PKIB: variants seen among roughly 807,000 people sequenced by gnomAD.
PKIB encodes the protein cAMP-dependent protein kinase inhibitor beta.
Under a neutral mutation model 4.5 loss-of-function variants are expected in PKIB, and 2 were observed. The observed-to-expected ratio is 0.44, with a 90% confidence interval of 0.18 to 1.39. PKIB has a LOEUF of 1.39. PKIB is among the 40% of genes most tolerant of loss of function. The probability of loss-of-function intolerance (pLI) is 0.27; values close to 1 mark genes in which losing one functional copy is unlikely to be tolerated. For synonymous variants in PKIB, 38 were observed against 36.0 expected, an observed-to-expected ratio of 1.06 and a Z score of -0.20; for missense variants, 94 against 92.6, an observed-to-expected ratio of 1.02 and a Z score of -0.06.
chr6:122,717,704 A>C, intron 3 of PKIB, 83 bp from the exon 4 acceptor site: 1 of 1,355,168 alleles, frequency 7.4e-7, no homozygotes, highest in South Asian at 1.3e-5. Flanking sequence ...TGTGTTTTTG[A>C]TCTAGCCATG....
intron 2 of PKIB, among the ~76,000 whole-genome samples, chr6:122,647,603 C>T (rs1776378000): frequency 6.6e-6 from 1 of 152,206 alleles, no homozygotes; most frequent in South Asian, 2.1e-4. Flanking sequence ...TCACTGTTCT[C>T]CTTGACATTC....
intron 2 of PKIB, among the ~76,000 whole-genome samples, chr6:122,670,486 G>A (rs1777416967): frequency 7.5e-6 from 1 of 133,712 alleles, no homozygotes; most frequent in African/African-American, 3.0e-5. Context: ...TTCTTATAAG[G>A]AATCACATGT....
intron 3 of PKIB, among the ~76,000 whole-genome samples, chr6:122,690,590 T>C (rs1001748127): frequency 6.6e-6 from 1 of 152,158 alleles, no homozygotes; most frequent in African/African-American, 2.4e-5. Flanking sequence ...GATGTTTCTA[T>C]TTATATCTTA....
intron 1 of PKIB, among the ~76,000 whole-genome samples, chr6:122,626,199 T>C (rs1775438350): frequency 6.6e-6 from 1 of 152,252 alleles, no homozygotes; most frequent in African/African-American, 2.4e-5. Context: ...CAATATACTT[T>C]AGTGGTTCAT....
Position 122,697,136 on chromosome 6 carries a change from G to A in PKIB, c.-8-20651G>A, listed in dbSNP as rs117565958. On this transcript the variant is annotated intron_variant, in intron 3 of 4. Transcript: ENST00000368452. ...CTTTGGAGAATTAAGAGGGTAGGGT[G>A]CTCCCAGTTCTTGTGGAATGATGTG... is the stretch of plus-strand genomic sequence containing the variant. Among the ~76,000 whole-genome samples, 180 of 152,186 alleles carry A rather than the reference G, an allele frequency of 1.2e-3. 4 individuals carry two copies. In the East Asian group the frequency reaches 0.019, roughly 16 times the overall value.
intron 2 of PKIB, among the ~76,000 whole-genome samples, chr6:122,665,294 C>G (rs767136211): frequency 2.0e-5 from 3 of 152,120 alleles, no homozygotes; most frequent in Non-Finnish European, 4.4e-5. Flanking sequence ...AGAGATTGTT[C>G]TTGCAGATAA....
chr6:122,514,685 GT>G (rs1485677745), intron 2 of PKIB, among the ~76,000 whole-genome samples: 1 of 152,122 alleles, frequency 6.6e-6, no homozygotes, highest in Non-Finnish European at 1.5e-5. Context: ...AGAGTAGTGG[GT>G]TTTTTTGTTT....
At chr6:122,545,511 G>C (rs1324555340) in intron 2 of PKIB, among the ~76,000 whole-genome samples, 1 of 151,490 alleles carries the variant, frequency 6.6e-6, no homozygotes, top group Non-Finnish European at 1.5e-5. Context: ...CGTGATGCAG[G>C]GGCTTGGTGT....
intron 2 of PKIB, among the ~76,000 whole-genome samples, chr6:122,534,288 C>T (rs1777342892): frequency 6.6e-6 from 1 of 151,920 alleles, no homozygotes; most frequent in Non-Finnish European, 1.5e-5. Context: ...GCATGATAAT[C>T]TCTCTGGTTG....
intron 3 of PKIB, among the ~76,000 whole-genome samples, chr6:122,677,229 C>T (rs1777706554): frequency 6.6e-6 from 1 of 152,088 alleles, no homozygotes; most frequent in South Asian, 2.1e-4. Flanking sequence ...CGAAGGGGAG[C>T]TTTGTAAAAA....
At position 122,575,509 on chromosome 6, in the gene PKIB, A is replaced by G. The variant is rs527410346; in HGVS notation, c.-247-10412A>G. On this transcript the variant is annotated intron_variant, in intron 2 of 6. Transcript: ENST00000392491. ...CAATTTGCAATTGCAGAGATATTAAACCAACCTAAGCGCCCATTGACCAAC... is the reference window on the plus strand; with the variant it reads ...CAATTTGCAATTGCAGAGATATTAAGCCAACCTAAGCGCCCATTGACCAAC... Among the ~76,000 whole-genome samples the G allele has an allele frequency of 3.3e-5, 5 of 152,282 alleles. No individual in the cohort carries two copies. The East Asian group carries it at 9.7e-4, about 29-fold the overall frequency.
At chr6:122,717,408 A>C (rs894232368) in intron 3 of PKIB, among the ~76,000 whole-genome samples, 4 of 152,116 alleles carry the variant, frequency 2.6e-5, no homozygotes, top group Non-Finnish European at 5.9e-5. Context: ...CCACAAGCAA[A>C]TACTGGCAGA....
intron 2 of PKIB, among the ~76,000 whole-genome samples, chr6:122,499,866 T>A (rs1776174720): frequency 6.6e-6 from 1 of 152,182 alleles, no homozygotes; most frequent in South Asian, 2.1e-4. Flanking sequence ...CAGTAAAGTT[T>A]CAGGATACAA....
At chr6:122,688,497 G>GT (rs35487441) in intron 3 of PKIB, among the ~76,000 whole-genome samples, 35,642 of 151,576 alleles carry the variant, frequency 0.24, 5,155 homozygotes, top group East Asian at 0.54. Context: ...CTTTTCTTCT[G>GT]TTTTTTTTGG....
At chr6:122,621,972 G>T (rs1409046714) in intron 1 of PKIB, among the ~76,000 whole-genome samples, 3 of 151,720 alleles carry the variant, frequency 2.0e-5, no homozygotes, top group Non-Finnish European at 4.4e-5. Flanking sequence ...CTTCTAAGAA[G>T]TAAGTCACAT....
At chr6:122,546,246 T>C (rs1772489435) in intron 2 of PKIB, among the ~76,000 whole-genome samples, 1 of 152,064 alleles carries the variant, frequency 6.6e-6, no homozygotes, top group African/African-American at 2.4e-5. Context: ...AGGGTCTTGC[T>C]CTTCAGAGCA....
intron 2 of PKIB, among the ~76,000 whole-genome samples, chr6:122,552,710 A>G (rs1448796935): frequency 6.6e-6 from 1 of 152,156 alleles, no homozygotes; most frequent in Admixed American, 6.5e-5. Flanking sequence ...GAGTGCCTCC[A>G]GTCTGCTATC....
intron 2 of PKIB, among the ~76,000 whole-genome samples, chr6:122,499,643 A>G (rs2114555145): frequency 1.3e-5 from 2 of 152,288 alleles, no homozygotes; most frequent in Middle Eastern, 6.8e-3. Context: ...TCCTTAAGAA[A>G]TGGAACAAGA....
At chr6:122,607,835 C>T (rs1187996357), upstream of PKIB, among the ~76,000 whole-genome samples, 1 of 152,152 alleles carries the variant, frequency 6.6e-6, no homozygotes, top group Non-Finnish European at 1.5e-5. Flanking sequence ...TCTTAATTGT[C>T]TCTTTTACCA....
Sources: gnomAD v4.1 joint callset for allele counts (sites outside exome capture counted in the v4.1 genomes callset) on GRCh38, gnomAD v4.1.1 for gene constraint, MANE v1.5 for transcripts, NCBI Gene and HGNC (gene_info 2026-07-23, HGNC 2026-07-21) for gene names.